The following NEK5 variants were observed in gnomAD, a reference collection of about 807,000 sequenced individuals.
The protein encoded by NEK5 is serine/threonine-protein kinase Nek5.
NEK5 carries 88 observed loss-of-function variants against 109.2 expected under a neutral mutation model. The ratio of observed to expected loss-of-function variants is 0.81; its 90% CI spans 0.68 to 0.96. The LOEUF is 0.96. NEK5 is among the 40% of genes least tolerant of loss of function. The pLI is 0.00. For synonymous variants in NEK5, 283 were observed against 299.9 expected, an observed-to-expected ratio of 0.94 and a Z score of 0.58; for missense variants, 834 against 920.7, an observed-to-expected ratio of 0.91 and a Z score of 1.22.
intron 13 of NEK5, among the ~76,000 whole-genome samples, chr13:52,090,958 G>A (rs190309624): frequency 2.0e-5 from 3 of 152,152 alleles, no homozygotes; most frequent in Non-Finnish European, 4.4e-5. Flanking sequence ...CCCAGGGGGC[G>A]GAGCTTGCAG....
intron 3 of NEK5, among the ~76,000 whole-genome samples, chr13:52,120,440 T>C (rs1022818001): frequency 6.6e-6 from 1 of 151,872 alleles, no homozygotes; most frequent in Non-Finnish European, 1.5e-5. Flanking sequence ...ATTTGTACCA[T>C]ATATGACAAA....
At chr13:52,050,626 T>G (rs933662388) in intron 22 of NEK5, among the ~76,000 whole-genome samples, 2 of 150,540 alleles carry the variant, frequency 1.3e-5, no homozygotes, top group Admixed American at 6.6e-5. Context: ...TTTTTTTTTT[T>G]GCAGTTTTTT....
intron 3 of NEK5, among the ~76,000 whole-genome samples, chr13:52,125,584 C>T (rs115167567): frequency 4.3e-4 from 66 of 152,150 alleles, no homozygotes; most frequent in African/African-American, 1.5e-3. Context: ...ACAGATATTA[C>T]CTGAAGTTAT....
In NEK5 at chr13:52,093,158, C is replaced by T. The variant is rs764713546; in HGVS notation, c.1104G>A (p.Leu368=). ...YDYYYAQLDM[L]RRRAHKPSYH... Reference sequence around the variant, plus strand: ...AACTTGGTTTGTGGGCTCTCCTCCTCAGCATATCAAGTTGAGCATAATAAT... The same window carrying T: ...AACTTGGTTTGTGGGCTCTCCTCCTTAGCATATCAAGTTGAGCATAATAAT... The change falls in exon 13 of 24, where the codon CTG becomes CTA. Residue 368 remains leucine (L), a synonymous_variant. Transcript: ENST00000684899. The T allele has an allele frequency of 4.3e-6, 7 of 1,613,426 alleles. No individual in the cohort carries two copies. The East Asian group carries it at 1.1e-4, about 26-fold the overall frequency.
At chr13:52,067,687 T>TC (rs71088009) in intron 20 of NEK5, among the ~76,000 whole-genome samples, 6 of 150,122 alleles carry the variant, frequency 4.0e-5, no homozygotes, top group African/African-American at 1.5e-4. Context: ...TTTTTTTTTT[T>TC]TTTTTTTTGA....
At chr13:52,123,923 T>C (rs1594009572) in intron 3 of NEK5, among the ~76,000 whole-genome samples, 1 of 150,180 alleles carries the variant, frequency 6.7e-6, no homozygotes, top group African/African-American at 2.5e-5. Context: ...GAGGCTGGAG[T>C]GGGGAAAAAA....
intron 12 of NEK5, 113 bp downstream of exon 12, chr13:52,099,630 A>G: frequency 1.8e-6 from 2 of 1,131,918 alleles, no homozygotes; most frequent in Non-Finnish European, 2.5e-6. Flanking sequence ...AGATCGCGCC[A>G]CTGCACTCCA....
At chr13:52,067,495 C>T (rs1954709312) in intron 20 of NEK5, among the ~76,000 whole-genome samples, 1 of 152,112 alleles carries the variant, frequency 6.6e-6, no homozygotes, top group South Asian at 2.1e-4. Flanking sequence ...TTTGTGCAAT[C>T]AGTGGGCCTC....
intron 22 of NEK5, among the ~76,000 whole-genome samples, chr13:52,059,884 G>C (rs1679020174): frequency 6.6e-6 from 1 of 151,860 alleles, no homozygotes; most frequent in South Asian, 2.1e-4. Context: ...CAGCACACCA[G>C]CATGGCACAT....
intron 20 of NEK5, among the ~76,000 whole-genome samples, chr13:52,071,733 G>A (rs1172430112): frequency 6.6e-6 from 1 of 152,180 alleles, no homozygotes; most frequent in East Asian, 1.9e-4. Flanking sequence ...AAGAGGGAGT[G>A]GGTATGGAGC....
chr13:52,099,681 C>G (rs564385823), intron 12 of NEK5, 62 bp downstream of exon 12: 71 of 1,561,824 alleles, frequency 4.5e-5, no homozygotes, highest in Non-Finnish European at 5.2e-5. Flanking sequence ...AACAAACAAA[C>G]AAACAAACAA....
intron 20 of NEK5, among the ~76,000 whole-genome samples, chr13:52,066,465 G>GT (rs1008976661): frequency 1.6e-4 from 24 of 150,900 alleles, no homozygotes; most frequent in East Asian, 3.9e-4. Flanking sequence ...TTATTCTGTG[G>GT]TTTTTTTTTC....
At chr13:52,054,664 G>A (rs1954537313) in intron 22 of NEK5, among the ~76,000 whole-genome samples, 1 of 152,178 alleles carries the variant, frequency 6.6e-6, no homozygotes. Context: ...CAGCCTAACT[G>A]GGAGGCACCC....
rs201185595 is a variant in NEK5 at position 52,102,008 on chromosome 13, G to C, written c.817C>G (p.Gln273Glu). Residue 273 changes from glutamine (Q) to glutamate (E), a missense_variant, in exon 11 of 24, where the codon CAG (glutamine) becomes GAG (glutamate). This residue lies in a region of NEK5 where 777 missense variants were observed against 824.7 expected (regional missense o/e 0.94). Coordinates refer to ENST00000684899, the MANE Select transcript of NEK5 (RefSeq NM_001365552.1). ...IPKYLTPEVIQEEFSHMLICR... is the reference protein window; with the variant it reads ...IPKYLTPEVIEEEFSHMLICR... Reference sequence around the variant, plus strand: ...ATAAGCATGTGACTGAATTCTTCCTGAATGACCTAAAACCGAACACACGTG... The same window carrying C: ...ATAAGCATGTGACTGAATTCTTCCTCAATGACCTAAAACCGAACACACGTG... The C allele has an allele frequency of 3.5e-5, 57 of 1,613,838 alleles. No individual in the cohort carries two copies. Among genetic ancestry groups the C allele is most frequent in the Non-Finnish European group, 3.8e-5 (45 of 1,179,918 alleles).
At chr13:52,074,941 T>C (rs1433436759) in intron 19 of NEK5, among the ~76,000 whole-genome samples, 1 of 151,962 alleles carries the variant, frequency 6.6e-6, no homozygotes, top group African/African-American at 2.4e-5. Context: ...CTCACACGAG[T>C]CAGAATGGCT....
At chr13:52,056,683 G>C (rs1328143229) in intron 22 of NEK5, among the ~76,000 whole-genome samples, 2 of 151,240 alleles carry the variant, frequency 1.3e-5, no homozygotes. Flanking sequence ...TGAACAACCT[G>C]CTCCTGAATG....
intron 22 of NEK5, among the ~76,000 whole-genome samples, chr13:52,051,335 C>T (rs9526826): frequency 0.7 from 105,631 of 151,902 alleles, 36,921 homozygotes; most frequent in Middle Eastern, 0.77. Context: ...TGCTCCTCCT[C>T]CCTTTTGCCA....
intron 21 of NEK5, chr13:52,064,983 G>A (rs915870560): frequency 5.5e-4 from 149 of 268,724 alleles, no homozygotes; most frequent in Non-Finnish European, 8.5e-4. Context: ...CACAAACACT[G>A]CGGAAGGCCA....
intron 20 of NEK5, among the ~76,000 whole-genome samples, chr13:52,068,386 C>T (rs1954724504): frequency 6.6e-6 from 1 of 151,834 alleles, no homozygotes; most frequent in Non-Finnish European, 1.5e-5. Flanking sequence ...CTGTAAATAC[C>T]TCAGTAAGGT....
Sources: allele counts gnomAD v4.1 joint callset (sites outside exome capture counted in the v4.1 genomes callset), GRCh38; gene constraint gnomAD v4.1.1; regional missense constraint gnomAD v4.1.1; transcripts MANE v1.5; gene names NCBI Gene and HGNC (gene_info 2026-07-23, HGNC 2026-07-21).